MYH9: variants seen among roughly 807,000 people sequenced by gnomAD.
MYH9 encodes myosin heavy chain 9, also known as myosin-9.
Under a neutral mutation model 241.9 loss-of-function variants are expected in MYH9, and 29 were observed. The observed-to-expected ratio is 0.12, with a 90% CI of 0.09 to 0.16. The LOEUF (loss-of-function observed/expected upper bound fraction) is 0.16, where lower values mean the gene tolerates loss of function less well. Among genes scored for constraint, MYH9 ranks in the 10% least tolerant of loss-of-function variants. MYH9 has a pLI of 1.00. For synonymous variants in MYH9, 1,047 were observed against 1,062.6 expected (o/e 0.99, Z 0.29); for missense variants, 1,803 against 2,595.5 (o/e 0.69, Z 6.63).
rs2017240478 is a variant in MYH9 at position 36,320,956 on chromosome 22, A to C, written c.770-60T>G. ...AGAAGGCAAGCCCTCCACTTTCCTC[A>C]TTTTTTTTTTTTTGGAGACAGAGTC... On this transcript the variant is annotated intron_variant, in intron 7 of 40. Transcript: ENST00000216181. The surrounding 1 kb of genome is among the most constrained non-coding windows in gnomAD (Gnocchi z 4.8). The C allele has an allele frequency of 1.6e-6, 2 of 1,213,194 alleles. No individual in the cohort carries two copies. The highest frequency in any genetic ancestry group is 2.3e-6 in the Non-Finnish European group (2 of 865,078). The allele number at this position is 1,213,194 out of a possible 1,614,324, so 75.2% of individuals were successfully genotyped here.
chr22:36,286,652 A>G (rs2016586386), intron 35 of MYH9, 66 bp downstream of exon 35: 3 of 1,603,204 alleles, frequency 1.9e-6, no homozygotes, highest in Non-Finnish European at 2.5e-6. Flanking sequence ...CCTCAGCTGA[A>G]AGCCCCACGC....
At chr22:36,314,519 G>A (rs1194623624) in intron 12 of MYH9, among the ~76,000 whole-genome samples, 1 of 152,186 alleles carries the variant, frequency 6.6e-6, no homozygotes, top group Admixed American at 6.5e-5. Flanking sequence ...TGGAGCCAGT[G>A]ACCGCGGGCA....
intron 15 of MYH9, 60 bp downstream of exon 15, chr22:36,309,222 G>A (rs1033169777): frequency 5.0e-6 from 7 of 1,396,384 alleles, no homozygotes; most frequent in Non-Finnish European, 7.1e-6. Context: ...CCACTGTGGA[G>A]GTGGGAAGAT....
chr22:36,306,516 A>G lies in MYH9; in HGVS notation c.1935T>C (p.Thr645=), dbSNP rs777382682. The G allele has an allele frequency of 6.2e-6, 10 of 1,614,058 alleles. No homozygotes were observed. The highest frequency in any genetic ancestry group is 2.2e-5 in the East Asian group (1 of 44,898). Residue 645 remains threonine (T), a synonymous_variant, in exon 16 of 41, where the codon ACT becomes ACC. Transcript: ENST00000216181. The surrounding 1 kb of genome is among the most constrained non-coding windows in gnomAD (Gnocchi z 4.1). The stretch of plus-strand genomic sequence containing the variant: ...GCTGCTCCTTGTAAAGCTGCCCCAC[A>G]GTGCGGAACATGCCCTTCCGCGTCT... ...AFKTRKGMFR[T]VGQLYKEQLA...
chr22:36,363,837 C>A (rs1201757811), intron 1 of MYH9, among the ~76,000 whole-genome samples: 2 of 152,204 alleles, frequency 1.3e-5, no homozygotes, highest in Admixed American at 6.5e-5. Flanking sequence ...CCAAGCATGT[C>A]CCCCTGCAGA....
chr22:36,365,705 C>G (rs967640630), intron 1 of MYH9, among the ~76,000 whole-genome samples: 1 of 152,138 alleles, frequency 6.6e-6, no homozygotes, highest in African/African-American at 2.4e-5. Context: ...AAGTGATTTG[C>G]CCACCTCAGC....
intron 6 of MYH9, 96 bp from the exon 7 acceptor site, chr22:36,321,917 G>A: frequency 8.8e-7 from 1 of 1,129,956 alleles, no homozygotes; most frequent in Non-Finnish European, 1.3e-6. Context: ...CACCTCCGGT[G>A]GGCACAGCTT....
intron 3 of MYH9, among the ~76,000 whole-genome samples, chr22:36,338,883 CA>C (rs1442602810): frequency 6.6e-6 from 1 of 151,744 alleles, no homozygotes; most frequent in Admixed American, 6.6e-5. Flanking sequence ...CAAATCTGAT[CA>C]AACCACTTGA....
intron 27 of MYH9, among the ~76,000 whole-genome samples, 177 bp downstream of exon 27, chr22:36,294,755 C>T (rs1055150423): frequency 2.4e-4 from 37 of 152,232 alleles, no homozygotes; most frequent in African/African-American, 8.4e-4. Context: ...CCATAATCCT[C>T]CCTTATGAAC....
chr22:36,325,099 C>A, intron 5 of MYH9: 2 of 774,490 alleles, frequency 2.6e-6, no homozygotes, highest in Non-Finnish European at 4.8e-6. Flanking sequence ...CCTAACCTCA[C>A]AGCTCTGTTT....
At chr22:36,321,927 T>C in intron 6 of MYH9, 106 bp from the exon 7 acceptor site, 1 of 1,033,150 alleles carries the variant, frequency 9.7e-7, no homozygotes, top group Non-Finnish European at 1.5e-6. Flanking sequence ...GGGCACAGCT[T>C]GGAGGGAGAA....
chr22:36,386,362 G>A (rs929577822), intron 1 of MYH9, among the ~76,000 whole-genome samples: 5 of 152,014 alleles, frequency 3.3e-5, no homozygotes, highest in East Asian at 1.9e-4. Flanking sequence ...TAGCAGCCTT[G>A]TATATAAACT....
At chr22:36,301,762 A>G in intron 20 of MYH9, 97 bp from the exon 21 acceptor site, 1 of 1,526,034 alleles carries the variant, frequency 6.6e-7, no homozygotes, top group Non-Finnish European at 8.9e-7. Context: ...GAAACATGAA[A>G]GTGAGGGGCA....
At position 36,288,582 on chromosome 22, in the gene MYH9, A is replaced by T. The variant is rs991133368; in HGVS notation, c.4770+145T>A. 13 of 1,316,274 alleles carry T rather than the reference A, an allele frequency of 9.9e-6. No homozygotes were observed. Among genetic ancestry groups the T allele is most frequent in the Middle Eastern group, 2.2e-4 (1 of 4,564 alleles). The allele number at this position is 1,316,274 out of a possible 1,614,324, so 81.5% of individuals were successfully genotyped here. ...TAAGAAAGTGAGTCACTGAACCCCGAGACAGGAGGCTAGAAAGAAGGAATA... is the reference window on the plus strand; with the variant it reads ...TAAGAAAGTGAGTCACTGAACCCCGTGACAGGAGGCTAGAAAGAAGGAATA... On this transcript the variant is annotated intron_variant, in intron 33 of 40. Transcript: ENST00000216181. This position sits in a 1 kb window ranked among gnomAD's most constrained non-coding sequence, Gnocchi z 4.8.
intron 1 of MYH9, among the ~76,000 whole-genome samples, chr22:36,386,883 A>G (rs1045390401): frequency 1.1e-4 from 17 of 152,274 alleles, no homozygotes; most frequent in African/African-American, 3.9e-4. Context: ...AGTGGAGAAT[A>G]GAAAACTCCG....
At chr22:36,310,321 G>C (rs1432124727) in intron 14 of MYH9, among the ~76,000 whole-genome samples, 2 of 151,966 alleles carry the variant, frequency 1.3e-5, no homozygotes, top group Non-Finnish European at 2.9e-5. Flanking sequence ...GCCCAAGCTG[G>C]TCTCAAACGT....
At position 36,295,235 on chromosome 22, in the gene MYH9, G is replaced by C. The variant is rs2016770178; in HGVS notation, c.3486-159C>G. 6.6e-6 allele frequency among the ~76,000 whole-genome samples: 1 copy of C among 152,114 alleles called. No individual in the cohort carries two copies. On this transcript the variant is annotated intron_variant, in intron 26 of 40. Transcript: ENST00000216181. This position sits in a 1 kb window ranked among gnomAD's most constrained non-coding sequence, Gnocchi z 4.1. ...TCCTAGCCATCTATCCCATAGCCCA[G>C]GCTCAAATACGCCCTGTGAGAGCTT...
rs1237947280 is a variant in MYH9, at chr22:36,325,143, G to A, written c.612+1425C>T. 5 of 759,940 alleles carry A rather than the reference G, an allele frequency of 6.6e-6. No individual in the cohort carries two copies. The Admixed American group carries it at 7.2e-5, about 11-fold the overall frequency. The allele number at this position is 759,940 out of a possible 1,614,324, so 47.1% of individuals were successfully genotyped here. A position where few individuals can be genotyped will look rare whatever the true frequency, so the allele number is the denominator to read the frequency against. On this transcript the variant is annotated intron_variant, in intron 5 of 40. Coordinates refer to ENST00000216181, the MANE Select transcript of MYH9 (RefSeq NM_002473.6). Reference sequence around the variant, plus strand: ...GGCCTCCTAAAAAGAATGGAAAATCGGGGGTAGGGAGGGAGAGAGGGATGG... The same window carrying A: ...GGCCTCCTAAAAAGAATGGAAAATCAGGGGTAGGGAGGGAGAGAGGGATGG...
intron 1 of MYH9, among the ~76,000 whole-genome samples, chr22:36,360,030 ACACCACCACCACCACCACCACCAC>A (rs136207): frequency 0.049 from 5,035 of 102,238 alleles, 138 homozygotes; most frequent in South Asian, 0.11. Flanking sequence ...ATGAGGACAA[ACACCACCACCACCACCACCACCAC>A]CACCACCACC....
Sources: allele counts gnomAD v4.1 joint callset (sites outside exome capture counted in the v4.1 genomes callset), GRCh38; gene constraint gnomAD v4.1.1; non-coding constraint Gnocchi (gnomAD v3.1); transcripts MANE v1.5; gene names NCBI Gene and HGNC (gene_info 2026-07-23, HGNC 2026-07-21).